Variants in OR10G3 observed in about 807,000 individuals in gnomAD.
OR10G3 encodes olfactory receptor 10G3.
A neutral mutation model predicts 13.4 loss-of-function variants in OR10G3; 8 were observed. The ratio of observed to expected loss-of-function variants is 0.60; its 90% CI spans 0.35 to 1.08. The LOEUF (loss-of-function observed/expected upper bound fraction) is 1.08, where lower values mean the gene tolerates loss of function less well. OR10G3 is among the 50% of genes least tolerant of loss of function. OR10G3 has a pLI of 0.02. For synonymous variants in OR10G3, 142 were observed against 156.1 expected (o/e 0.91, Z 0.67); for missense variants, 393 against 386.6 (o/e 1.02, Z -0.14).
At chr14:21,578,129 G>A (rs532084013) in intron 1 of OR10G3, among the ~76,000 whole-genome samples, 2 of 152,164 alleles carry the variant, frequency 1.3e-5, no homozygotes, top group Non-Finnish European at 2.9e-5. Context: ...ACCATCTAGA[G>A]GCCGGTCGCG....
At chr14:21,578,463 T>C (rs1288850703) in intron 1 of OR10G3, among the ~76,000 whole-genome samples, 1 of 151,974 alleles carries the variant, frequency 6.6e-6, no homozygotes, top group Non-Finnish European at 1.5e-5. Flanking sequence ...GACCATCTAG[T>C]ACATGAATGT....
intron 1 of OR10G3, among the ~76,000 whole-genome samples, chr14:21,574,495 G>A (rs1232126196): frequency 6.6e-6 from 1 of 152,118 alleles, no homozygotes; most frequent in Non-Finnish European, 1.5e-5. Context: ...GGAGAGCAGG[G>A]AACTGGCAAC....
Position 21,570,198 on chromosome 14 carries a change from G to C in OR10G3, c.547C>G (p.Pro183Ala). 6.2e-7 allele frequency: 1 copy of C among 1,614,188 alleles called. No homozygotes were observed. The highest frequency in any genetic ancestry group is 1.1e-5 in the South Asian group (1 of 91,076). The change falls in exon 2 of 2, where the codon CCT becomes GCT. Residue 183 changes from proline to alanine, a missense_variant. By Grantham distance (27) the Pro-to-Ala change is conservative. Transcript: ENST00000641040. ...NQVDYFFCDI[P>A]AVLRLACADT... Reference sequence around the variant, plus strand: ...GCACAGGCCAGTCTCAACACTGCAGGGATGTCACAGAAGAAGTAATCCACC... The same window carrying C: ...GCACAGGCCAGTCTCAACACTGCAGCGATGTCACAGAAGAAGTAATCCACC...
intron 1 of OR10G3, 85 bp from the exon 2 acceptor site, chr14:21,570,846 A>T: frequency 1.4e-6 from 1 of 726,618 alleles, no homozygotes. Flanking sequence ...AACTAGGGGC[A>T]GTGGCAGAGA....
chr14:21,570,821 G>C, intron 1 of OR10G3, 60 bp from the exon 2 acceptor site: 4 of 963,406 alleles, frequency 4.2e-6, no homozygotes, highest in Non-Finnish European at 6.1e-6. Context: ...GGGGGAACTA[G>C]AAAGAGATTG....
In OR10G3 at chr14:21,570,675, T is replaced by C. The variant is rs772399570; in HGVS notation, c.70A>G (p.Arg24Gly). Residue 24 changes from arginine to glycine, a missense_variant, in exon 2 of 2, where the codon AGG becomes GGG. Arg to Gly is a moderately radical substitution (Grantham distance 125). Transcript: ENST00000641040. The stretch of plus-strand genomic sequence containing the variant: ...AAAAAGAACACAAAAAAGAGTGTCC[T>C]TAGCCTGAGTGGATACGGAATTCCT... ...LTGIPYPLRL[R>G]TLFFVFFFLI... 1.2e-6 allele frequency: 2 copies of C among 1,608,876 alleles called. No homozygotes were observed. The highest frequency in any genetic ancestry group is 8.5e-7 in the Non-Finnish European group (1 of 1,179,818).
At position 21,572,184 on chromosome 14, in the gene OR10G3, C is replaced by T. The variant is rs187843771; in HGVS notation, c.-17-1423G>A. ...GTGGGCACCTATAATCCCAGCTACT[C>T]GGGAGGCTGAGGCAGGAGAATCACT... On this transcript the variant is annotated intron_variant, in intron 1 of 1. Coordinates refer to ENST00000641040, the MANE Select transcript of OR10G3 (RefSeq NM_001005465.2). 6.1e-3 allele frequency among the ~76,000 whole-genome samples: 889 copies of T among 146,048 alleles called. 6 individuals carry two copies. Among genetic ancestry groups the T allele is most frequent in the Non-Finnish European group, 0.01 (678 of 66,836 alleles).
chr14:21,576,170 T>G (rs1893127022), intron 1 of OR10G3, among the ~76,000 whole-genome samples: 1 of 152,136 alleles, frequency 6.6e-6, no homozygotes, highest in Non-Finnish European at 1.5e-5. Context: ...TTTGGTTAGG[T>G]CTCTCTGGGG....
At chr14:21,576,681 G>A (rs1327807201) in intron 1 of OR10G3, among the ~76,000 whole-genome samples, 5 of 151,588 alleles carry the variant, frequency 3.3e-5, no homozygotes, top group Non-Finnish European at 5.9e-5. Context: ...TTTTCATACT[G>A]TTTTCTTGTT....
chr14:21,573,308 A>G (rs1893092025), intron 1 of OR10G3, among the ~76,000 whole-genome samples: 1 of 152,126 alleles, frequency 6.6e-6, no homozygotes, highest in East Asian at 1.9e-4. Flanking sequence ...CAAAAGAAAA[A>G]AAGAGAATGG....
At chr14:21,578,049 C>T (rs1265806561) in intron 1 of OR10G3, among the ~76,000 whole-genome samples, 4 of 151,814 alleles carry the variant, frequency 2.6e-5, no homozygotes, top group Admixed American at 2.6e-4. Context: ...TTTTATTTCA[C>T]AGATACTTAG....
At chr14:21,572,312 A>AAAAAAAAAAAG (rs1893079620) in intron 1 of OR10G3, among the ~76,000 whole-genome samples, 4 of 138,022 alleles carry the variant, frequency 2.9e-5, no homozygotes, top group African/African-American at 1.1e-4. Flanking sequence ...AAAAAAAAAA[A>AAAAAAAAAAAG]AAAAGGCCAG....
At chr14:21,573,690 A>C (rs1299604639) in intron 1 of OR10G3, among the ~76,000 whole-genome samples, 1 of 151,638 alleles carries the variant, frequency 6.6e-6, no homozygotes, top group Non-Finnish European at 1.5e-5. Context: ...AAAAGTACGA[A>C]GTTTCAGTTA....
chr14:21,577,122 T>G (rs992223116), intron 1 of OR10G3, among the ~76,000 whole-genome samples: 5 of 152,196 alleles, frequency 3.3e-5, no homozygotes, highest in Non-Finnish European at 7.3e-5. Context: ...CTGCATACTC[T>G]CTGGCTCATT....
At chr14:21,571,019 G>C (rs1297533974) in intron 1 of OR10G3, among the ~76,000 whole-genome samples, 1 of 152,178 alleles carries the variant, frequency 6.6e-6, no homozygotes, top group African/African-American at 2.4e-5. Context: ...GTTGCATTTA[G>C]CTTGCAAAAC....
chr14:21,570,516 TGGA>T lies in OR10G3; in HGVS notation c.226_228del (p.Ser76del), dbSNP rs758467970. ...TTCATCATGAGGCGAGGGACAATGATGGAGGAGATGCTCATATCAATGACTGAG... is the reference window on the plus strand; with the variant it reads ...TTCATCATGAGGCGAGGGACAATGATGGAGATGCTCATATCAATGACTGAG... On this transcript the variant is annotated inframe_deletion, in exon 2 of 2. Coordinates refer to ENST00000641040, the MANE Select transcript of OR10G3 (RefSeq NM_001005465.2). 1 of 1,614,158 alleles carries T rather than the reference TGGA, an allele frequency of 6.2e-7. No homozygotes were observed. The highest frequency in any genetic ancestry group is 8.5e-7 in the Non-Finnish European group (1 of 1,180,020).
intron 1 of OR10G3, among the ~76,000 whole-genome samples, chr14:21,579,079 C>A (rs757668495): frequency 6.6e-6 from 1 of 152,172 alleles, no homozygotes; most frequent in Non-Finnish European, 1.5e-5. Context: ...AAGGGTGGCA[C>A]CACCACAGAA....
chr14:21,578,360 G>C (rs1876807550), intron 1 of OR10G3, among the ~76,000 whole-genome samples: 1 of 152,094 alleles, frequency 6.6e-6, no homozygotes, highest in Non-Finnish European at 1.5e-5. Flanking sequence ...GCAGTGACTT[G>C]AGATCGTGCG....
intron 1 of OR10G3, among the ~76,000 whole-genome samples, chr14:21,577,400 G>C (rs1876769921): frequency 6.6e-6 from 1 of 152,072 alleles, no homozygotes; most frequent in Non-Finnish European, 1.5e-5. Context: ...TATAATGCTG[G>C]AGTAAAGGCT....
Sources: allele counts gnomAD v4.1 joint callset (sites outside exome capture counted in the v4.1 genomes callset), GRCh38; gene constraint gnomAD v4.1.1; transcripts MANE v1.5; gene names NCBI Gene and HGNC (gene_info 2026-07-23, HGNC 2026-07-21).